KIF9: variants seen among roughly 807,000 people sequenced by gnomAD.
KIF9 encodes the protein kinesin family member 9, also known as kinesin-like protein KIF9.
KIF9 carries 68 observed loss-of-function variants against 94.8 expected under a neutral mutation model. That is an observed-to-expected ratio of 0.72 (90% CI 0.59 to 0.88). KIF9 has a LOEUF of 0.88. Among genes scored for constraint, KIF9 ranks in the 40% least tolerant of loss-of-function variants. The pLI is 0.00. For synonymous variants in KIF9, 343 were observed against 362.1 expected (o/e 0.95, Z 0.60); for missense variants, 882 against 982.5 (o/e 0.90, Z 1.37).
At chr3:47,241,882 ATATTT>A (rs1454464798) in intron 16 of KIF9, among the ~76,000 whole-genome samples, 5,011 of 97,142 alleles carry the variant, frequency 0.052, 94 homozygotes, top group East Asian at 0.13. Context: ...ATATATATAT[ATATTT>A]TTTTTTTTTT....
chr3:47,261,100 T>G (rs1700942532), intron 9 of KIF9, among the ~76,000 whole-genome samples: 1 of 152,224 alleles, frequency 6.6e-6, no homozygotes, highest in Non-Finnish European at 1.5e-5. Flanking sequence ...ATTGGAATGT[T>G]CGTTAGCCTT....
At chr3:47,257,005 C>T (rs539937245) in intron 10 of KIF9, among the ~76,000 whole-genome samples, 6 of 152,198 alleles carry the variant, frequency 3.9e-5, no homozygotes, top group South Asian at 2.1e-4. Flanking sequence ...ACAAACACTG[C>T]GGAAGGCCAG....
chr3:47,229,645 A>G (rs1395933368), intron 20 of KIF9, among the ~76,000 whole-genome samples: 2 of 152,248 alleles, frequency 1.3e-5, no homozygotes, highest in Non-Finnish European at 2.9e-5. Context: ...AACATTAAAA[A>G]TGGCCAACAC....
In KIF9 at chr3:47,271,314, G is replaced by A. The variant is rs547051140; in HGVS notation, c.514C>T (p.Pro172Ser). 14 of 1,613,908 alleles carry A rather than the reference G, an allele frequency of 8.7e-6. No homozygotes were observed. In the Admixed American group the frequency reaches 2.0e-4, roughly 23 times the overall value. ...AAGCCCTTAATGAAGACTCCTTGAG[G>A]GTTTTCCACGATGGTCATTGGTGTG... The part of the protein sequence containing the change: ...SVTPMTIVEN[P>S]QGVFIKGLSV... The change falls in exon 5 of 21, where the codon CCT (proline) becomes TCT (serine). Residue 172 changes from proline (P) to serine (S), a missense_variant. Transcript: ENST00000684063.
chr3:47,247,556 G>C, intron 11 of KIF9, 79 bp from the exon 12 acceptor site: 1 of 1,104,592 alleles, frequency 9.1e-7, no homozygotes, highest in South Asian at 1.3e-5. Flanking sequence ...CATTCTGAGA[G>C]GCAAAGTGGG....
Position 47,272,636 on chromosome 3 carries a change from T to C in KIF9, c.366+916A>G, listed in dbSNP as rs533294989. Among the ~76,000 whole-genome samples, 7 of 152,288 alleles carry C rather than the reference T, an allele frequency of 4.6e-5. No individual in the cohort carries two copies. In the South Asian group the frequency reaches 1.4e-3, roughly 32 times the overall value. ...AGTTTATATTGATTACATGCGGAAA[T>C]ATTTTAAATATATTTAGTTAAATAA... On this transcript the variant is annotated intron_variant, in intron 4 of 20. Coordinates refer to ENST00000684063, the MANE Select transcript of KIF9 (RefSeq NM_182902.4).
In KIF9 at chr3:47,274,096, G is replaced by A. The variant is rs868759000; in HGVS notation, c.260-438C>T. ...TCAACTTCCCCACAGAGGCAAAGAG[G>A]GGCTTTCAAAATCTCCAGGAAGAGA... On this transcript the variant is annotated intron_variant, in intron 3 of 20. Transcript: ENST00000684063. 2.0e-5 allele frequency among the ~76,000 whole-genome samples: 3 copies of A among 152,298 alleles called. No individual in the cohort carries two copies. In the Middle Eastern group the frequency reaches 0.01, roughly 518 times the overall value.
intron 9 of KIF9, 199 bp downstream of exon 9, chr3:47,264,087 T>C: frequency 1.7e-6 from 1 of 583,076 alleles, no homozygotes; most frequent in Non-Finnish European, 3.2e-6. Context: ...GCCCTTTTCC[T>C]CCGCACAGCT....
intron 17 of KIF9, among the ~76,000 whole-genome samples, chr3:47,237,369 C>T (rs985767255): frequency 1.3e-5 from 2 of 152,226 alleles, no homozygotes; most frequent in African/African-American, 4.8e-5. Flanking sequence ...GGTGGGATTA[C>T]AGGCGTGAGC....
intron 20 of KIF9, among the ~76,000 whole-genome samples, chr3:47,234,032 G>A (rs1698817743): frequency 6.6e-6 from 1 of 151,250 alleles, no homozygotes; most frequent in South Asian, 2.1e-4. Context: ...GCAGTGAGGT[G>A]AGGACACGCC....
intron 9 of KIF9, among the ~76,000 whole-genome samples, chr3:47,259,033 C>T (rs532987297): frequency 3.5e-4 from 54 of 152,276 alleles, no homozygotes; most frequent in African/African-American, 9.6e-4. Context: ...CCTGTGAAGA[C>T]ACCCCTGAGC....
chr3:47,272,719 T>C (rs187123269), intron 4 of KIF9, among the ~76,000 whole-genome samples: 1 of 152,326 alleles, frequency 6.6e-6, no homozygotes, highest in East Asian at 1.9e-4. Flanking sequence ...ATGTGGTTAC[T>C]GGAAAACTCA....
rs573396973 is a variant in KIF9, at chr3:47,248,646, T to C, written c.1060-560A>G. Among the ~76,000 whole-genome samples, 18 of 152,192 alleles carry C rather than the reference T, an allele frequency of 1.2e-4. No individual in the cohort carries two copies. In the South Asian group the frequency reaches 3.7e-3, roughly 32 times the overall value. Reference sequence around the variant, plus strand: ...TTAGTAGAGACAGGTTTTCACCATGTTGGCCAGGCTGGTCTCGAACTCCGG... The same window carrying C: ...TTAGTAGAGACAGGTTTTCACCATGCTGGCCAGGCTGGTCTCGAACTCCGG... On this transcript the variant is annotated intron_variant, in intron 10 of 20. Transcript: ENST00000684063.
At chr3:47,268,359 G>A (rs1260769620) in intron 5 of KIF9, among the ~76,000 whole-genome samples, 1 of 152,144 alleles carries the variant, frequency 6.6e-6, no homozygotes, top group Non-Finnish European at 1.5e-5. Context: ...CTGATGAGAA[G>A]TGCTATGAAC....
At chr3:47,236,729 A>G in intron 17 of KIF9, 110 bp from the exon 18 acceptor site, 1 of 945,746 alleles carries the variant, frequency 1.1e-6, no homozygotes, top group Admixed American at 2.1e-5. Context: ...AAGACAGGAG[A>G]CCACAGGCAG....
At chr3:47,258,860 T>A (rs542635362) in intron 9 of KIF9, among the ~76,000 whole-genome samples, 13 of 152,326 alleles carry the variant, frequency 8.5e-5, no homozygotes, top group African/African-American at 3.1e-4. Context: ...ATACACCTTC[T>A]TTTTTGGTGC....
chr3:47,279,170 A>C (rs1297590578), intron 1 of KIF9, among the ~76,000 whole-genome samples: 1 of 149,236 alleles, frequency 6.7e-6, no homozygotes, highest in Non-Finnish European at 1.5e-5. Flanking sequence ...CAAAAAAAAA[A>C]AAAAAAAAAA....
intron 1 of KIF9, chr3:47,282,105 C>T (rs1220588001): frequency 2.5e-6 from 2 of 785,680 alleles, no homozygotes; most frequent in African/African-American, 1.9e-5. Flanking sequence ...GGGCTTTGGA[C>T]CCATTCCGGT....
chr3:47,277,093 G>A (rs1198512620), intron 2 of KIF9, 189 bp downstream of exon 2: 4 of 404,954 alleles, frequency 9.9e-6, no homozygotes, highest in Admixed American at 4.4e-5. Context: ...GACAATTAAC[G>A]ATGGGATTTT....
Sources: gnomAD v4.1 joint callset for allele counts (sites outside exome capture counted in the v4.1 genomes callset) on GRCh38, gnomAD v4.1.1 for gene constraint, MANE v1.5 for transcripts, NCBI Gene and HGNC (gene_info 2026-07-23, HGNC 2026-07-21) for gene names.